Variants in OBSL1 observed in about 807,000 individuals in gnomAD.
OBSL1 encodes obscurin like cytoskeletal adaptor 1, also known as obscurin-like protein 1.
A neutral mutation model predicts 172.0 loss-of-function variants in OBSL1; 160 were observed. The observed-to-expected ratio is 0.93, with a 90% CI of 0.82 to 1.06. The LOEUF is 1.06. Among genes scored for constraint, OBSL1 ranks in the 50% least tolerant of loss-of-function variants. The pLI is 0.00. For missense variants in OBSL1, 2,681 were observed against 2,715.4 expected (o/e 0.99, Z 0.28); for synonymous variants, 1,200 against 1,196.3 (o/e 1.00, Z -0.06).
At position 219,566,980 on chromosome 2, in the gene OBSL1, G is replaced by A. The variant is rs761482110; in HGVS notation, c.1984C>T (p.Gln662Ter). 6.2e-6 allele frequency: 10 copies of A among 1,613,806 alleles called. No homozygotes were observed. Among genetic ancestry groups the A allele is most frequent in the Non-Finnish European group, 8.5e-6 (10 of 1,179,888 alleles). Reference protein sequence around the residue: ...EELKSNEPEGQVEPGALRYRI... With the variant: ...EELKSNEPEG ...TACCGCAGGGCCCCAGGTTCCACCT[G>A]GCCCTCCGGCTCGTTACTCTTGAGC... The change falls in exon 5 of 21, where the codon CAG becomes TAG. Residue 662 changes from glutamine (Q) to a stop codon, truncating the protein, a stop_gained. Transcript: ENST00000404537. LOFTEE classifies it high-confidence loss of function.
In OBSL1 at chr2:219,554,735, G is replaced by A; in HGVS notation, c.4615C>T (p.Gln1539Ter). 6.5e-7 allele frequency: 1 copy of A among 1,546,554 alleles called. No homozygotes were observed. The highest frequency in any genetic ancestry group is 1.4e-5 in the African/African-American group (1 of 73,296). Residue 1539 changes from glutamine to a stop codon, truncating the protein, a stop_gained, in exon 15 of 21, where the codon CAG (glutamine) becomes TAG (stop). Coordinates refer to ENST00000404537, the MANE Select transcript of OBSL1 (RefSeq NM_015311.3). LOFTEE classifies it high-confidence loss of function. ...TCCAGAGGCCGCAGCACCCTCAGCT[G>A]CCTCGCTGGCCGGGGGAGATGGAGA... ...TLARLSVRPR[Q>*]LRVLRPLEDV...
Position 219,562,533 on chromosome 2 carries a change from CT to C in OBSL1, c.2821del (p.Ser941AlafsTer57). On this transcript the variant is annotated frameshift_variant, in exon 8 of 21. Transcript: ENST00000404537. LOFTEE classifies it high-confidence loss of function. Reference sequence around the variant, plus strand: ...TTCCTTCTGCAGGAGCAGCGCGGGGCTCTCCACCACCTCCTCTCCATCCTTG... The same window carrying C: ...TTCCTTCTGCAGGAGCAGCGCGGGGCCTCCACCACCTCCTCTCCATCCTTG... ...WTKDGEEVVE[S>X]PALLLQKEDT... The C allele has an allele frequency of 1.2e-6, 2 of 1,613,916 alleles. No homozygotes were observed. Among genetic ancestry groups the C allele is most frequent in the Non-Finnish European group, 1.7e-6 (2 of 1,179,878 alleles).
intron 19 of OBSL1, 57 bp downstream of exon 19, chr2:219,552,055 C>T (rs1695652292): frequency 2.0e-6 from 3 of 1,493,906 alleles, no homozygotes; most frequent in Non-Finnish European, 2.7e-6. Context: ...GTCCGTCAGT[C>T]CCATGGCAGG....
chr2:219,558,605 A>G, intron 9 of OBSL1, 146 bp from the exon 10 acceptor site: 1 of 1,008,362 alleles, frequency 9.9e-7, no homozygotes, highest in Non-Finnish European at 1.4e-6. Flanking sequence ...GCTGTGTGCC[A>G]GGCACTGTCC....
rs767431762 is a variant in OBSL1 at position 219,556,626 on chromosome 2, G to A, written c.4164C>T (p.Ala1388=). The A allele has an allele frequency of 4.3e-6, 7 of 1,613,914 alleles. No homozygotes were observed. The highest frequency in any genetic ancestry group is 1.3e-5 in the African/African-American group (1 of 75,022). The change falls in exon 13 of 21, where the codon GCC becomes GCT. Residue 1388 remains alanine, a synonymous_variant. Coordinates refer to ENST00000404537, the MANE Select transcript of OBSL1 (RefSeq NM_015311.3). The part of the protein sequence containing the change: ...TFRCEVSPPD[A]DVTWLRNGAV... ...CCCCATTGCGCAGCCAGGTGACATC[G>A]GCATCTGGTGGGGAGACTTCACACC...
chr2:219,556,408 G>A, intron 13 of OBSL1, 46 bp downstream of exon 13: 4 of 1,606,958 alleles, frequency 2.5e-6, no homozygotes, highest in Non-Finnish European at 3.4e-6. Flanking sequence ...CTGGTTGGGA[G>A]TACAGGCACG....
downstream of OBSL1, among the ~76,000 whole-genome samples, chr2:219,548,918 G>T (rs1695456823): frequency 6.7e-6 from 1 of 148,982 alleles, no homozygotes; most frequent in African/African-American, 2.4e-5. Flanking sequence ...GCCTGGAAGG[G>T]GGTACCTGGA....
intron 8 of OBSL1, 106 bp downstream of exon 8, chr2:219,562,296 G>T: frequency 7.1e-7 from 1 of 1,402,264 alleles, no homozygotes; most frequent in Non-Finnish European, 9.8e-7. Flanking sequence ...TGCACCTGCA[G>T]CCCACACCTC....
Position 219,567,450 on chromosome 2 carries a change from C to T in OBSL1, c.1660G>A (p.Glu554Lys). ...TCTTCAGAGCCCACTTCCTGCCGCT[C>T]CAGCCGGTAGATGAATGGGGTCTCG... ...APETPFIYRLERQEVGSEDWI... is the reference protein window; with the variant it reads ...APETPFIYRLKRQEVGSEDWI... Residue 554 changes from glutamate to lysine, a missense_variant, in exon 4 of 21, where the codon GAG becomes AAG. By Grantham distance (56) the Glu-to-Lys change is moderately conservative. Around this residue, in one of 5 missense-constraint regions of OBSL1, gnomAD observed 706 missense variants for 695.8 expected, o/e 1.01. Coordinates refer to ENST00000404537, the MANE Select transcript of OBSL1 (RefSeq NM_015311.3). 6.2e-7 allele frequency: 1 copy of T among 1,613,628 alleles called. No homozygotes were observed. The highest frequency in any genetic ancestry group is 1.1e-5 in the South Asian group (1 of 90,958).
rs1291189124 is a variant in OBSL1 at position 219,571,403 on chromosome 2, C to G, written c.-171G>C. On this transcript the variant is annotated 5_prime_UTR_variant, in exon 1 of 21. Transcript: ENST00000404537. ...CGGCTCGCCTCCTTACCCTCGGCCCCGAGCTGCAGCTCTGCGGCGGCGGCG... is the reference window on the plus strand; with the variant it reads ...CGGCTCGCCTCCTTACCCTCGGCCCGGAGCTGCAGCTCTGCGGCGGCGGCG... 6 of 363,294 alleles carry G rather than the reference C, an allele frequency of 1.7e-5. No individual in the cohort carries two copies. The highest frequency in any genetic ancestry group is 2.4e-5 in the Non-Finnish European group (5 of 210,036). The allele number at this position is 363,294 out of a possible 1,614,324, so 22.5% of individuals were successfully genotyped here. A position where few individuals can be genotyped will look rare whatever the true frequency, so the allele number is the denominator to read the frequency against.
intron 14 of OBSL1, chr2:219,555,508 GGC>G (rs1421862021): frequency 4.6e-5 from 19 of 417,306 alleles, no homozygotes; most frequent in Non-Finnish European, 6.1e-5. Flanking sequence ...TCGAACTCCT[GGC>G]CTCAAGGGAT....
rs1305076476 is a variant in OBSL1, at chr2:219,558,204, G to A, written c.3482C>T (p.Thr1161Ile). ...CCCACCAGCCAGGATGACATTGAAG[G>A]TGATGGCCTCATGCCGGGTCTCACA... ...YVCETRHEAI[T>I]FNVILAEPPV... The change falls in exon 10 of 21, where the codon ACC (threonine) becomes ATC (isoleucine). Residue 1161 changes from threonine to isoleucine, a missense_variant. Transcript: ENST00000404537. 1.2e-5 allele frequency: 20 copies of A among 1,608,448 alleles called. No individual in the cohort carries two copies. Among genetic ancestry groups the A allele is most frequent in the Non-Finnish European group, 1.6e-5 (19 of 1,175,782 alleles).
intron 16 of OBSL1, 57 bp downstream of exon 16, chr2:219,553,517 G>A: frequency 1.7e-6 from 2 of 1,206,472 alleles, no homozygotes; most frequent in Non-Finnish European, 1.2e-6. Flanking sequence ...TTCTGTCTGG[G>A]GCATTATTAT....
chr2:219,556,027 G>A lies in OBSL1; in HGVS notation c.4602C>T (p.Ser1534=), dbSNP rs746616167. 35 of 1,613,366 alleles carry A rather than the reference G, an allele frequency of 2.2e-5. No homozygotes were observed. The highest frequency in any genetic ancestry group is 4.5e-5 in the East Asian group (2 of 44,872). ...SHHDRTLARL[S]VRPRQLRVLR... Reference sequence around the variant, plus strand: ...AGAGGACGGGGCACTCACGCCTCACGCTGAGCCTGGCCAGGGTGCGATCGT... The same window carrying A: ...AGAGGACGGGGCACTCACGCCTCACACTGAGCCTGGCCAGGGTGCGATCGT... Residue 1534 remains serine, a synonymous_variant, in exon 14 of 21, where the codon AGC becomes AGT. Coordinates refer to ENST00000404537, the MANE Select transcript of OBSL1 (RefSeq NM_015311.3).
chr2:219,561,614 C>CCCG (rs1696474161), intron 8 of OBSL1: 2 of 468,948 alleles, frequency 4.3e-6, no homozygotes, highest in Admixed American at 3.7e-5. Context: ...GCTGCTGGCT[C>CCCG]CCGTGTGTGG....
At chr2:219,551,819 CTTAAG>C (rs1246223474) in intron 19 of OBSL1, 21 bp from the exon 20 acceptor site, 1 of 1,479,420 alleles carries the variant, frequency 6.8e-7, no homozygotes, top group South Asian at 1.2e-5. Flanking sequence ...GGGGCGGGGG[CTTAAG>C]TTAATAGGGA....
In OBSL1 at chr2:219,551,717, ACAGTCACCTC is replaced by A. The variant is rs1470114658; in HGVS notation, c.5485_5494del (p.Glu1829CysfsTer62). The A allele has an allele frequency of 6.2e-7, 1 of 1,610,000 alleles. No homozygotes were observed. The highest frequency in any genetic ancestry group is 2.2e-5 in the East Asian group (1 of 44,838). Reference sequence around the variant, plus strand: ...GCACACGTGGCCCCCCGAGCGGGACACAGTCACCTCCAGCACCGCCCGGCGGCCCACCAGA... The same window carrying A: ...GCACACGTGGCCCCCCGAGCGGGACACAGCACCGCCCGGCGGCCCACCAGA... On this transcript the variant is annotated frameshift_variant, in exon 20 of 21. Transcript: ENST00000404537. LOFTEE classifies it high-confidence loss of function.
intron 4 of OBSL1, 56 bp from the exon 5 acceptor site, chr2:219,567,182 G>C: frequency 6.3e-7 from 1 of 1,583,176 alleles, no homozygotes; most frequent in Non-Finnish European, 8.6e-7. Flanking sequence ...AGAGGGCAGA[G>C]GCTGGCGGAT....
intron 8 of OBSL1, chr2:219,561,936 C>T (rs963923353): frequency 2.6e-5 from 19 of 717,342 alleles, no homozygotes; most frequent in Admixed American, 8.0e-5. Flanking sequence ...CCAGAGCCGC[C>T]GGGTCTTCGG....
Sources: gnomAD v4.1 joint callset for allele counts (sites outside exome capture counted in the v4.1 genomes callset) on GRCh38, gnomAD v4.1.1 for gene constraint, gnomAD v4.1.1 regional missense constraint, MANE v1.5 for transcripts, NCBI Gene and HGNC (gene_info 2026-07-23, HGNC 2026-07-21) for gene names.